The following GRM5 variants were observed in gnomAD, a reference collection of about 807,000 sequenced individuals.
GRM5 encodes metabotropic glutamate receptor 5.
In GRM5, 19 loss-of-function variants were observed where a neutral mutation model predicts 83.1. The ratio of observed to expected loss-of-function variants is 0.23; its 90% CI spans 0.16 to 0.34. The LOEUF is 0.34. GRM5 is among the 10% of genes least tolerant of loss of function. GRM5 has a pLI of 1.00. For missense variants in GRM5, 1,160 were observed against 1,588.3 expected (o/e 0.73, Z 4.58); for synonymous variants, 675 against 633.6 (o/e 1.07, Z -0.98).
chr11:88,928,902 G>GTATATATATA (rs149267365), intron 2 of GRM5, among the ~76,000 whole-genome samples: 4,202 of 60,192 alleles, frequency 0.07, 164 homozygotes, highest in East Asian at 0.15. Context: ...ATGTGTATGT[G>GTATATATATA]TATATACACA....
At chr11:88,543,027 C>T (rs1275756126) in intron 8 of GRM5, among the ~76,000 whole-genome samples, 1 of 152,126 alleles carries the variant, frequency 6.6e-6, no homozygotes, top group African/African-American at 2.4e-5. Context: ...GAGATTGGGC[C>T]ACTGCACTCC....
chr11:88,871,862 C>G (rs1162105074), intron 2 of GRM5, among the ~76,000 whole-genome samples: 1 of 149,772 alleles, frequency 6.7e-6, no homozygotes, highest in African/African-American at 2.5e-5. Flanking sequence ...AATCCCATAA[C>G]AAAAAGGAGA....
chr11:88,686,430 A>C (rs1241004550), intron 3 of GRM5, among the ~76,000 whole-genome samples: 1 of 152,136 alleles, frequency 6.6e-6, no homozygotes, highest in Non-Finnish European at 1.5e-5. Context: ...GAGGCTTTGA[A>C]CTGTGGACTT....
intron 8 of GRM5, among the ~76,000 whole-genome samples, chr11:88,551,790 T>A (rs1942515210): frequency 6.6e-6 from 1 of 152,034 alleles, no homozygotes; most frequent in Non-Finnish European, 1.5e-5. Context: ...AAACAGAGAG[T>A]ACACATGGGC....
intron 3 of GRM5, among the ~76,000 whole-genome samples, chr11:88,743,128 C>A (rs867680916): frequency 6.6e-6 from 1 of 152,112 alleles, no homozygotes; most frequent in African/African-American, 2.4e-5. Flanking sequence ...TATAGAAACC[C>A]CATGTCTGTT....
chr11:89,021,103 T>A, intron 2 of GRM5, among the ~76,000 whole-genome samples: 1 of 152,202 alleles, frequency 6.6e-6, no homozygotes, highest in Admixed American at 6.5e-5. Context: ...CTGAATGGAT[T>A]TGTTATTACA....
At chr11:88,648,047 C>G (rs1939512830) in intron 4 of GRM5, among the ~76,000 whole-genome samples, 1 of 151,904 alleles carries the variant, frequency 6.6e-6, no homozygotes, top group African/African-American at 2.4e-5. Flanking sequence ...CACTTTTACA[C>G]TGTTGGTGGG....
Position 88,708,878 on chromosome 11 carries a change from C to T in GRM5, c.912-55475G>A, listed in dbSNP as rs117978901. Among the ~76,000 whole-genome samples, 135 of 152,068 alleles carry T rather than the reference C, an allele frequency of 8.9e-4. No homozygotes were observed. The Middle Eastern group carries it at 0.014, about 15-fold the overall frequency. ...GAAAAAAATTCCTAGGAGCCTAATA[C>T]GAACCAGACATTGTGGTAGGAACTA... is the stretch of plus-strand genomic sequence containing the variant. On this transcript the variant is annotated intron_variant, in intron 3 of 9. Coordinates refer to ENST00000305447, the MANE Select transcript of GRM5 (RefSeq NM_001143831.3).
intron 4 of GRM5, among the ~76,000 whole-genome samples, chr11:88,632,732 A>G (rs1939010930): frequency 6.6e-6 from 1 of 152,178 alleles, no homozygotes; most frequent in Admixed American, 6.5e-5. Context: ...TGGTGGGTAT[A>G]TGTTTAACTT....
chr11:88,658,449 C>T (rs185979967), intron 3 of GRM5, among the ~76,000 whole-genome samples: 107 of 152,160 alleles, frequency 7.0e-4, no homozygotes, highest in Admixed American at 2.4e-3. Flanking sequence ...GAAGAAAATG[C>T]AATTGACAGC....
chr11:89,030,241 T>C (rs111616691), intron 2 of GRM5, among the ~76,000 whole-genome samples: 3 of 152,156 alleles, frequency 2.0e-5, no homozygotes, highest in African/African-American at 7.2e-5. Context: ...TCTTTTTCAA[T>C]AAAAGTGTCT....
At chr11:88,731,131 T>A (rs994420143) in intron 3 of GRM5, among the ~76,000 whole-genome samples, 7 of 152,118 alleles carry the variant, frequency 4.6e-5, no homozygotes, top group Non-Finnish European at 7.4e-5. Context: ...GCCATTTTTT[T>A]AATGGCTCCA....
chr11:88,953,363 C>G (rs1938519409), intron 2 of GRM5, among the ~76,000 whole-genome samples: 1 of 152,178 alleles, frequency 6.6e-6, no homozygotes, highest in African/African-American at 2.4e-5. Flanking sequence ...GTAATAGGCT[C>G]TCAGAATAAG....
intron 3 of GRM5, among the ~76,000 whole-genome samples, chr11:88,786,103 A>G (rs1366457859): frequency 6.6e-6 from 1 of 152,144 alleles, no homozygotes; most frequent in Non-Finnish European, 1.5e-5. Context: ...AGGTACATGA[A>G]TATGACATGG....
intron 2 of GRM5, among the ~76,000 whole-genome samples, chr11:89,046,089 G>C (rs533113719): frequency 2.6e-4 from 39 of 152,202 alleles, no homozygotes; most frequent in African/African-American, 9.1e-4. Flanking sequence ...TTGCCAGATT[G>C]CAATCCCACT....
chr11:88,564,273 A>G (rs189720872), intron 8 of GRM5, among the ~76,000 whole-genome samples: 1 of 152,344 alleles, frequency 6.6e-6, no homozygotes, highest in East Asian at 1.9e-4. Context: ...CCAAATGCAC[A>G]GATTTCAAAA....
In GRM5 at chr11:88,523,590, G is replaced by A. The variant is rs1941764745; in HGVS notation, c.2726+1719C>T. On this transcript the variant is annotated intron_variant, in intron 9 of 9. Coordinates refer to ENST00000305447, the MANE Select transcript of GRM5 (RefSeq NM_001143831.3). The stretch of plus-strand genomic sequence containing the variant: ...AGATAGCTGTATAAAGGGATTGTAG[G>A]CATAAGGCCATCAGATACACCAAAG... Among the ~76,000 whole-genome samples the A allele has an allele frequency of 6.6e-5, 10 of 152,232 alleles. No homozygotes were observed. The South Asian group carries it at 2.1e-3, about 32-fold the overall frequency.
At chr11:88,687,273 G>T (rs558486747) in intron 3 of GRM5, among the ~76,000 whole-genome samples, 3 of 151,244 alleles carry the variant, frequency 2.0e-5, no homozygotes, top group African/African-American at 7.3e-5. Context: ...AGGAGACAGA[G>T]ACCATCCTGG....
At chr11:89,007,914 T>G (rs538415945) in intron 2 of GRM5, among the ~76,000 whole-genome samples, 1 of 152,350 alleles carries the variant, frequency 6.6e-6, no homozygotes. Context: ...GTGGCAACCT[T>G]TCATTCCTTG....
Sources: gnomAD v4.1 joint callset for allele counts (sites outside exome capture counted in the v4.1 genomes callset) on GRCh38, gnomAD v4.1.1 for gene constraint, MANE v1.5 for transcripts, NCBI Gene and HGNC (gene_info 2026-07-23, HGNC 2026-07-21) for gene names.